The following PPFIA2 variants were observed in gnomAD, a reference collection of about 807,000 sequenced individuals.
The protein encoded by PPFIA2 is PPFI scaffold protein A2, also known as liprin-alpha-2.
A neutral mutation model predicts 175.5 loss-of-function variants in PPFIA2; 46 were observed. That is an observed-to-expected ratio of 0.26 (90% CI 0.21 to 0.34). The LOEUF (loss-of-function observed/expected upper bound fraction) is 0.34. PPFIA2 is among the 10% of genes least tolerant of loss of function. PPFIA2 has a pLI of 1.00. For synonymous variants in PPFIA2, 568 were observed against 511.4 expected (o/e 1.11, Z -1.49); for missense variants, 1,179 against 1,506.1 (o/e 0.78, Z 3.60).
At chr12:81,374,221 T>G (rs2035850871) in intron 11 of PPFIA2, among the ~76,000 whole-genome samples, 1 of 152,082 alleles carries the variant, frequency 6.6e-6, no homozygotes, top group Non-Finnish European at 1.5e-5. Context: ...TTCTAACAAG[T>G]TTTATACTGT....
chr12:81,756,460 A>G (rs893298201), intron 2 of PPFIA2, among the ~76,000 whole-genome samples: 1 of 152,068 alleles, frequency 6.6e-6, no homozygotes, highest in African/African-American at 2.4e-5. Context: ...CACAAACTTT[A>G]GGGTCTTAAA....
At chr12:81,677,738 C>T (rs562921714) in intron 3 of PPFIA2, among the ~76,000 whole-genome samples, 1 of 151,922 alleles carries the variant, frequency 6.6e-6, no homozygotes, top group East Asian at 1.9e-4. Context: ...CGATTTTTAA[C>T]CTTTAATAGG....
At chr12:81,421,167 A>C (rs1406404329) in intron 7 of PPFIA2, among the ~76,000 whole-genome samples, 2 of 152,146 alleles carry the variant, frequency 1.3e-5, no homozygotes. Context: ...GAAATGCACA[A>C]GGAAGTTCTT....
intron 21 of PPFIA2, among the ~76,000 whole-genome samples, chr12:81,329,187 G>T (rs536220930): frequency 6.4e-4 from 98 of 152,236 alleles, no homozygotes; most frequent in Admixed American, 1.1e-3. Context: ...TCTTCAGGAG[G>T]TCTATTAGGA....
chr12:81,634,568 A>G (rs761966797), intron 4 of PPFIA2, among the ~76,000 whole-genome samples: 28 of 152,022 alleles, frequency 1.8e-4, no homozygotes, highest in Non-Finnish European at 4.0e-4. Context: ...AAATCAGTTC[A>G]TCACACCAGA....
intron 3 of PPFIA2, among the ~76,000 whole-genome samples, chr12:81,705,378 C>A (rs138006051): frequency 0.11 from 16,526 of 149,696 alleles, 1,145 homozygotes; most frequent in Non-Finnish European, 0.15. Context: ...ATGGCATGAA[C>A]CTGGGAGGCG....
intron 4 of PPFIA2, among the ~76,000 whole-genome samples, chr12:81,644,945 A>AGTGTTAAAACTGAATCG (rs11271299): frequency 6.6e-6 from 1 of 151,942 alleles, no homozygotes; most frequent in East Asian, 1.9e-4. Context: ...TTAAAAGTTC[A>AGTGTTAAAACTGAATCG]GAAAATGCAT....
intron 18 of PPFIA2, among the ~76,000 whole-genome samples, chr12:81,346,607 T>A (rs1057315939): frequency 1.5e-4 from 23 of 151,258 alleles, no homozygotes; most frequent in African/African-American, 5.1e-4. Context: ...TAGGCTTCCA[T>A]CTTCTAATCC....
intron 3 of PPFIA2, among the ~76,000 whole-genome samples, chr12:81,702,612 C>T (rs1461261525): frequency 6.6e-6 from 1 of 152,096 alleles, no homozygotes; most frequent in African/African-American, 2.4e-5. Context: ...GGGGAAGCCT[C>T]CAATGACACT....
intron 4 of PPFIA2, among the ~76,000 whole-genome samples, chr12:81,649,282 A>G (rs1305077320): frequency 1.3e-5 from 2 of 152,192 alleles, no homozygotes; most frequent in Non-Finnish European, 2.9e-5. Context: ...AAGTAACTTT[A>G]ATGGGCATAT....
chr12:81,419,998 T>G (rs759802701), intron 7 of PPFIA2, among the ~76,000 whole-genome samples: 11 of 152,178 alleles, frequency 7.2e-5, no homozygotes, highest in Non-Finnish European at 1.6e-4. Context: ...CATTGCTGCC[T>G]TTGCAGACAC....
chr12:81,652,615 T>C (rs963680295), intron 4 of PPFIA2, among the ~76,000 whole-genome samples: 2 of 152,060 alleles, frequency 1.3e-5, no homozygotes, highest in Admixed American at 1.3e-4. Context: ...TAATATAAGA[T>C]TCATACATTT....
chr12:81,569,741 T>A (rs931229064), intron 4 of PPFIA2, among the ~76,000 whole-genome samples: 1 of 152,122 alleles, frequency 6.6e-6, no homozygotes, highest in African/African-American at 2.4e-5. Flanking sequence ...TGGCACTTAA[T>A]CAATACAAGG....
intron 7 of PPFIA2, among the ~76,000 whole-genome samples, chr12:81,427,059 T>C (rs949699475): frequency 3.3e-5 from 5 of 152,138 alleles, no homozygotes; most frequent in Non-Finnish European, 7.4e-5. Flanking sequence ...ACATGCTTTA[T>C]TGATTTACAC....
At chr12:81,490,383 A>C (rs2059298330) in intron 4 of PPFIA2, among the ~76,000 whole-genome samples, 1 of 151,942 alleles carries the variant, frequency 6.6e-6, no homozygotes, top group Non-Finnish European at 1.5e-5. Context: ...AGAGAAATGC[A>C]TGCAGGCTGT....
intron 9 of PPFIA2, among the ~76,000 whole-genome samples, chr12:81,379,697 T>C (rs1353291258): frequency 6.6e-6 from 1 of 152,194 alleles, no homozygotes; most frequent in Non-Finnish European, 1.5e-5. Context: ...GTATTCTTCC[T>C]AGATCAAAAT....
chr12:81,559,430 C>G (rs1256673564), intron 4 of PPFIA2, among the ~76,000 whole-genome samples: 1 of 152,100 alleles, frequency 6.6e-6, no homozygotes, highest in Middle Eastern at 3.2e-3. Context: ...TCAAAGGACT[C>G]AAATTTTATT....
chr12:81,364,117 T>TA (rs1221525227), intron 14 of PPFIA2, among the ~76,000 whole-genome samples: 15 of 151,624 alleles, frequency 9.9e-5, no homozygotes, highest in Non-Finnish European at 2.2e-4. Flanking sequence ...AAGGAGAAAT[T>TA]AAAAAATGAG....
At chr12:81,355,260 AT>A (rs1396128493) in intron 16 of PPFIA2, among the ~76,000 whole-genome samples, 1 of 152,080 alleles carries the variant, frequency 6.6e-6, no homozygotes, top group African/African-American at 2.4e-5. Context: ...TGAAAGGAGT[AT>A]TTTTTTCTGA....
Sources: gnomAD v4.1 joint callset for allele counts (sites outside exome capture counted in the v4.1 genomes callset) on GRCh38, gnomAD v4.1.1 for gene constraint, MANE v1.5 for transcripts, NCBI Gene and HGNC (gene_info 2026-07-23, HGNC 2026-07-21) for gene names.